Variants in PIP4K2A observed in about 807,000 individuals in gnomAD.
The protein encoded by PIP4K2A is phosphatidylinositol-5-phosphate 4-kinase type 2 alpha.
A neutral mutation model predicts 42.9 loss-of-function variants in PIP4K2A; 14 were observed. That is an observed-to-expected ratio of 0.33 (90% CI 0.22 to 0.51). PIP4K2A has a LOEUF of 0.51. Ranked by LOEUF, PIP4K2A falls within the 20% of genes least tolerant of loss-of-function variation. The pLI, the probability that PIP4K2A is intolerant of heterozygous loss-of-function variation, is 0.97. For missense variants in PIP4K2A, 434 were observed against 519.8 expected (o/e 0.83, Z 1.61); for synonymous variants, 192 against 192.2 (o/e 1.00, Z 0.01).
intron 1 of PIP4K2A, among the ~76,000 whole-genome samples, chr10:22,678,803 C>G (rs1228268140): frequency 6.6e-6 from 1 of 151,932 alleles, no homozygotes; most frequent in East Asian, 1.9e-4. Context: ...GTGGCAAAAC[C>G]CAAAAAACTG....
At chr10:22,587,266 C>T (rs1410538850) in intron 4 of PIP4K2A, among the ~76,000 whole-genome samples, 1 of 151,976 alleles carries the variant, frequency 6.6e-6, no homozygotes, top group African/African-American at 2.4e-5. Flanking sequence ...GTTGGGTAAC[C>T]AAAGTTGTCA....
At chr10:22,672,658 T>A (rs1047781134) in intron 1 of PIP4K2A, among the ~76,000 whole-genome samples, 1 of 152,128 alleles carries the variant, frequency 6.6e-6, no homozygotes, top group Admixed American at 6.5e-5. Context: ...CAGAGATCAA[T>A]TCCAGAAGGG....
intron 8 of PIP4K2A, among the ~76,000 whole-genome samples, chr10:22,541,306 T>C (rs1836106576): frequency 6.6e-6 from 1 of 152,144 alleles, no homozygotes; most frequent in African/African-American, 2.4e-5. Context: ...GGGAGAGGGC[T>C]GTTGGTAATG....
chr10:22,684,358 C>T (rs1462135817), intron 1 of PIP4K2A, among the ~76,000 whole-genome samples: 1 of 152,082 alleles, frequency 6.6e-6, no homozygotes, highest in Non-Finnish European at 1.5e-5. Context: ...CTTTGATTGC[C>T]ACTGCCTCTA....
chr10:22,613,165 G>A (rs1396341486), intron 1 of PIP4K2A, among the ~76,000 whole-genome samples: 3 of 152,100 alleles, frequency 2.0e-5, no homozygotes, highest in Non-Finnish European at 4.4e-5. Flanking sequence ...GGAAATGTCA[G>A]CCAGATTGAA....
At position 22,714,515 on chromosome 10, in the gene PIP4K2A, G is replaced by A. The variant is rs538250331; in HGVS notation, c.-189C>T. Reference sequence around the variant, plus strand: ...CTCCGCCCGCTCGGCCCGGCAGACTGCGCTCGGCTCGCGCCCCGGCCCGTA... The same window carrying A: ...CTCCGCCCGCTCGGCCCGGCAGACTACGCTCGGCTCGCGCCCCGGCCCGTA... On this transcript the variant is annotated 5_prime_UTR_variant, in exon 1 of 10. Transcript: ENST00000376573. 6.3e-3 allele frequency: 1,016 copies of A among 162,330 alleles called. 5 individuals are homozygous for A. The highest frequency in any genetic ancestry group is 0.023 in the African/African-American group (959 of 41,178). The allele number at this position is 162,330 out of a possible 1,614,324, so 10.1% of individuals were successfully genotyped here. A position where few individuals can be genotyped will look rare whatever the true frequency, so the allele number is the denominator to read the frequency against.
intron 1 of PIP4K2A, among the ~76,000 whole-genome samples, chr10:22,686,822 A>G (rs954429513): frequency 1.3e-5 from 2 of 152,174 alleles, no homozygotes; most frequent in African/African-American, 4.8e-5. Flanking sequence ...CAAAGTAGGT[A>G]ACATTTCAAC....
chr10:22,711,207 C>A (rs1475387482), intron 1 of PIP4K2A, among the ~76,000 whole-genome samples: 1 of 152,206 alleles, frequency 6.6e-6, no homozygotes, highest in South Asian at 2.1e-4. Context: ...ATGACCATTG[C>A]CCAAATCAAG....
chr10:22,566,752 A>G (rs1836857112), intron 6 of PIP4K2A, among the ~76,000 whole-genome samples: 1 of 152,094 alleles, frequency 6.6e-6, no homozygotes, highest in Non-Finnish European at 1.5e-5. Context: ...AGGTTTCTGG[A>G]CATCACCTCC....
intron 1 of PIP4K2A, among the ~76,000 whole-genome samples, chr10:22,709,427 AC>A (rs1445623612): frequency 5.3e-5 from 8 of 152,060 alleles, no homozygotes; most frequent in Non-Finnish European, 5.9e-5. Context: ...CTAACCACAA[AC>A]CTTTTTTGCC....
intron 2 of PIP4K2A, among the ~76,000 whole-genome samples, chr10:22,608,570 A>C (rs536748137): frequency 9.8e-5 from 15 of 152,346 alleles, no homozygotes; most frequent in African/African-American, 3.6e-4. Flanking sequence ...CCCCCTGAAG[A>C]AATTTCATAA....
chr10:22,618,356 G>C (rs1838225868), intron 1 of PIP4K2A, among the ~76,000 whole-genome samples: 1 of 152,056 alleles, frequency 6.6e-6, no homozygotes, highest in South Asian at 2.1e-4. Flanking sequence ...TCTGCCCTGA[G>C]GTTCATTCGC....
At position 22,593,230 on chromosome 10, in the gene PIP4K2A, G is replaced by A. The variant is rs149207746; in HGVS notation, c.340-1449C>T. Reference sequence around the variant, plus strand: ...TGGCACCCCCTGTGGTGGATCACACGTTCTGCAATAGCACACCTTGATCTG... The same window carrying A: ...TGGCACCCCCTGTGGTGGATCACACATTCTGCAATAGCACACCTTGATCTG... On this transcript the variant is annotated intron_variant, in intron 3 of 9. Coordinates refer to ENST00000376573, the MANE Select transcript of PIP4K2A (RefSeq NM_005028.5). Among the ~76,000 whole-genome samples, 566 of 152,242 alleles carry A rather than the reference G, an allele frequency of 3.7e-3. 5 individuals are homozygous for A. Among genetic ancestry groups the A allele is most frequent in the African/African-American group, 0.013 (530 of 41,544 alleles).
rs1186703886 is a variant in PIP4K2A, at chr10:22,536,692, A to ACTGT, written c.*505_*508dup. Reference sequence around the variant, plus strand: ...CATTATTATCTTCATTATTCTGAATACTGTCTCACATCTTTCAACTCCAAA... The same window carrying ACTGT: ...CATTATTATCTTCATTATTCTGAATACTGTCTGTCTCACATCTTTCAACTCCAAA... On this transcript the variant is annotated 3_prime_UTR_variant, in exon 10 of 10. Transcript: ENST00000376573. The ACTGT allele has an allele frequency of 8.3e-6, 1 of 119,890 alleles. No individual in the cohort carries two copies. The highest frequency in any genetic ancestry group is 2.8e-4 in the East Asian group (1 of 3,574). 7.4% of individuals were successfully genotyped at this position (119,890 alleles called of 1,614,324 possible). A position where few individuals can be genotyped will look rare whatever the true frequency, so the allele number is the denominator to read the frequency against.
chr10:22,714,401 G>A lies in PIP4K2A; in HGVS notation c.-75C>T. On this transcript the variant is annotated 5_prime_UTR_variant, in exon 1 of 10. Coordinates refer to ENST00000376573, the MANE Select transcript of PIP4K2A (RefSeq NM_005028.5). ...CGCCCTCTCTACACCCCGGCCCGGGGAGGCAGCCGCATCCCCCCGGCGGCG... is the reference window on the plus strand; with the variant it reads ...CGCCCTCTCTACACCCCGGCCCGGGAAGGCAGCCGCATCCCCCCGGCGGCG... The A allele has an allele frequency of 1.8e-6, 2 of 1,108,764 alleles. No homozygotes were observed. The highest frequency in any genetic ancestry group is 1.7e-5 in the African/African-American group (1 of 60,360). 68.7% of individuals were successfully genotyped at this position (1,108,764 alleles called of 1,614,324 possible). A position where few individuals can be genotyped will look rare whatever the true frequency, so the allele number is the denominator to read the frequency against.
chr10:22,640,574 C>A (rs1485951539), intron 1 of PIP4K2A, among the ~76,000 whole-genome samples: 1 of 152,152 alleles, frequency 6.6e-6, no homozygotes, highest in East Asian at 1.9e-4. Context: ...GGGTGGAGTG[C>A]CCAGTGACCC....
chr10:22,641,122 T>C (rs904448005), intron 1 of PIP4K2A, among the ~76,000 whole-genome samples: 1 of 152,224 alleles, frequency 6.6e-6, no homozygotes, highest in African/African-American at 2.4e-5. Flanking sequence ...TTATATCCTA[T>C]GACATATGAT....
At chr10:22,661,029 A>T (rs1839196182) in intron 1 of PIP4K2A, among the ~76,000 whole-genome samples, 1 of 152,220 alleles carries the variant, frequency 6.6e-6, no homozygotes, top group South Asian at 2.1e-4. Flanking sequence ...GGGGACAGGG[A>T]GTTATACAGA....
At position 22,539,682 on chromosome 10, in the gene PIP4K2A, T is replaced by C. The variant is rs1352557872; in HGVS notation, c.1140+289A>G. ...GTGTAAAAAGAAGAGATGTTCATGT[T>C]TAAGTGACTTCGCTGGAAGCCACAG... On this transcript the variant is annotated intron_variant, in intron 9 of 9. Coordinates refer to ENST00000376573, the MANE Select transcript of PIP4K2A (RefSeq NM_005028.5). 3 of 347,152 alleles carry C rather than the reference T, an allele frequency of 8.6e-6. No homozygotes were observed. In the Admixed American group the frequency reaches 1.3e-4, roughly 15 times the overall value. 21.5% of individuals were successfully genotyped at this position (347,152 alleles called of 1,614,324 possible). A position where few individuals can be genotyped will look rare whatever the true frequency, so the allele number is the denominator to read the frequency against.
Sources: allele counts gnomAD v4.1 joint callset (sites outside exome capture counted in the v4.1 genomes callset), GRCh38; gene constraint gnomAD v4.1.1; transcripts MANE v1.5; gene names NCBI Gene and HGNC (gene_info 2026-07-23, HGNC 2026-07-21).